The following KHDRBS2 variants were observed in gnomAD, a reference collection of about 807,000 sequenced individuals.
KHDRBS2 encodes KH domain-containing, RNA-binding, signal transduction-associated protein 2.
In KHDRBS2, 26 loss-of-function variants were observed where a neutral mutation model predicts 44.3. The ratio of observed to expected loss-of-function variants is 0.59; its 90% CI spans 0.43 to 0.81. The LOEUF (loss-of-function observed/expected upper bound fraction) is 0.81. Among genes scored for constraint, KHDRBS2 ranks in the 40% least tolerant of loss-of-function variants. The pLI, the probability that KHDRBS2 is intolerant of heterozygous loss-of-function variation, is 0.00. For missense variants in KHDRBS2, 476 were observed against 433.1 expected (o/e 1.10, Z -0.88); for synonymous variants, 194 against 151.1 (o/e 1.28, Z -2.08).
At chr6:61,728,177 T>C (rs1249703538) in intron 7 of KHDRBS2, among the ~76,000 whole-genome samples, 1 of 152,034 alleles carries the variant, frequency 6.6e-6, no homozygotes, top group Non-Finnish European at 1.5e-5. Context: ...CTTAGCAAAC[T>C]AATGCAGGAA....
Position 61,955,021 on chromosome 6 carries a change from CAT to C in KHDRBS2, c.483+23043_483+23044del, listed in dbSNP as rs746294341. ...AGACATACATATGTATGTATACACA[CAT>C]ACATATATACATACATGTATGTATA... On this transcript the variant is annotated intron_variant, in intron 4 of 8. Coordinates refer to ENST00000281156, the MANE Select transcript of KHDRBS2 (RefSeq NM_152688.4). Among the ~76,000 whole-genome samples the C allele has an allele frequency of 1.5e-3, 221 of 142,894 alleles. 4 individuals are homozygous for C. Among genetic ancestry groups the C allele is most frequent in the East Asian group, 7.9e-3 (36 of 4,562 alleles). 93.7% of individuals were successfully genotyped at this position (142,894 alleles called of 152,430 possible).
chr6:62,036,014 A>G (rs1283786191), intron 3 of KHDRBS2, among the ~76,000 whole-genome samples: 1 of 151,994 alleles, frequency 6.6e-6, no homozygotes, highest in Non-Finnish European at 1.5e-5. Flanking sequence ...TCCTAAAAAG[A>G]ATATTCCAGG....
intron 3 of KHDRBS2, among the ~76,000 whole-genome samples, chr6:61,985,390 C>T (rs562637568): frequency 6.6e-6 from 1 of 152,178 alleles, no homozygotes; most frequent in East Asian, 1.9e-4. Context: ...TCTTATATAG[C>T]CCAGGGTCCA....
intron 2 of KHDRBS2, among the ~76,000 whole-genome samples, chr6:62,169,201 G>A (rs535304710): frequency 5.6e-4 from 60 of 106,402 alleles, no homozygotes; most frequent in African/African-American, 1.6e-3. Flanking sequence ...ATACATATAT[G>A]TATATATATG....
chr6:62,086,060 G>A (rs1489794133), intron 2 of KHDRBS2, among the ~76,000 whole-genome samples: 2 of 152,034 alleles, frequency 1.3e-5, no homozygotes, highest in African/African-American at 2.4e-5. Flanking sequence ...AATTACCAAC[G>A]TACATCAACA....
chr6:61,895,524 A>G (rs1321436704), intron 5 of KHDRBS2, among the ~76,000 whole-genome samples: 1 of 152,184 alleles, frequency 6.6e-6, no homozygotes, highest in Admixed American at 6.5e-5. Context: ...TTAGAGGAAT[A>G]CTTTAGTATC....
intron 1 of KHDRBS2, among the ~76,000 whole-genome samples, chr6:62,212,432 G>A (rs1829218846): frequency 6.6e-6 from 1 of 151,648 alleles, no homozygotes; most frequent in Admixed American, 6.6e-5. Flanking sequence ...GGGTTGAATT[G>A]TGTTCCCCCT....
At chr6:62,033,507 C>G (rs1488775149) in intron 3 of KHDRBS2, among the ~76,000 whole-genome samples, 1 of 151,636 alleles carries the variant, frequency 6.6e-6, no homozygotes. Context: ...CAAATACATC[C>G]GGCAGCAGAC....
intron 3 of KHDRBS2, among the ~76,000 whole-genome samples, chr6:62,006,588 A>G (rs1262324719): frequency 1.3e-5 from 2 of 152,030 alleles, no homozygotes; most frequent in Non-Finnish European, 2.9e-5. Context: ...TAACATTTAG[A>G]TTCAGCTAAC....
chr6:61,597,488 C>T, the KHDRBS2 span, among the ~76,000 whole-genome samples: 2 of 151,740 alleles, frequency 1.3e-5, no homozygotes, highest in Non-Finnish European at 1.5e-5. Context: ...CACTGGAAGT[C>T]TCTTTTAGAC....
rs1562530833 is a variant in KHDRBS2, at chr6:61,959,695, G to A, written c.483+18371C>T. On this transcript the variant is annotated intron_variant, in intron 4 of 8. Coordinates refer to ENST00000281156, the MANE Select transcript of KHDRBS2 (RefSeq NM_152688.4). ...ACTCTGCCAAGTACAAGCAAAATAT[G>A]TACTTATGGGTTAAGTTATGGGTTA... Among the ~76,000 whole-genome samples the A allele has an allele frequency of 3.3e-5, 5 of 152,234 alleles. No individual in the cohort carries two copies. The South Asian group carries it at 8.3e-4, about 25-fold the overall frequency.
intron 2 of KHDRBS2, among the ~76,000 whole-genome samples, chr6:62,118,899 C>T (rs1228210552): frequency 6.6e-6 from 1 of 152,156 alleles, no homozygotes; most frequent in Non-Finnish European, 1.5e-5. Context: ...AGTTTTGGGA[C>T]TCAGACTGGC....
At chr6:62,192,247 T>C (rs1824782306) in intron 1 of KHDRBS2, among the ~76,000 whole-genome samples, 2 of 152,128 alleles carry the variant, frequency 1.3e-5, no homozygotes, top group Non-Finnish European at 2.9e-5. Context: ...AAGTTATTTC[T>C]GATTTTCTCA....
At chr6:61,917,970 G>C (rs73489405) in intron 4 of KHDRBS2, among the ~76,000 whole-genome samples, 3,550 of 151,962 alleles carry the variant, frequency 0.023, 132 homozygotes, top group African/African-American at 0.081. Context: ...GATATTGAAG[G>C]CTCCTCCATA....
chr6:61,866,941 A>G (rs1303454653), intron 6 of KHDRBS2, among the ~76,000 whole-genome samples: 4 of 152,156 alleles, frequency 2.6e-5, no homozygotes, highest in Admixed American at 2.6e-4. Flanking sequence ...TTTTGGACAA[A>G]GCTATTCAAC....
At chr6:61,779,279 A>T (rs1434816159) in intron 6 of KHDRBS2, among the ~76,000 whole-genome samples, 1 of 152,162 alleles carries the variant, frequency 6.6e-6, no homozygotes, top group African/African-American at 2.4e-5. Flanking sequence ...TAACTCAGAA[A>T]TATCCTCCCA....
intron 1 of KHDRBS2, among the ~76,000 whole-genome samples, chr6:62,249,682 G>T (rs775079651): frequency 6.6e-6 from 1 of 151,918 alleles, no homozygotes; most frequent in Non-Finnish European, 1.5e-5. Flanking sequence ...ATTGAAAACC[G>T]CCTGCTTGCT....
At chr6:62,214,212 G>A (rs1047759555) in intron 1 of KHDRBS2, among the ~76,000 whole-genome samples, 3 of 152,032 alleles carry the variant, frequency 2.0e-5, no homozygotes, top group African/African-American at 7.2e-5. Context: ...TGTTGTGACT[G>A]CTGATATACC....
intron 8 of KHDRBS2, among the ~76,000 whole-genome samples, chr6:61,683,024 G>A (rs1766465708): frequency 6.6e-6 from 1 of 151,776 alleles, no homozygotes; most frequent in South Asian, 2.1e-4. Context: ...CAAAAAGAAT[G>A]TACTACTTTT....
Sources: allele counts gnomAD v4.1 joint callset (sites outside exome capture counted in the v4.1 genomes callset), GRCh38; gene constraint gnomAD v4.1.1; transcripts MANE v1.5; gene names NCBI Gene and HGNC (gene_info 2026-07-23, HGNC 2026-07-21).